The following CNN2 variants were observed in gnomAD, a reference collection of about 807,000 sequenced individuals.
The protein encoded by CNN2 is calponin 2, also known as calponin-2.
A neutral mutation model predicts 31.0 loss-of-function variants in CNN2; 21 were observed. The observed-to-expected ratio is 0.68, with a 90% CI of 0.48 to 0.98. CNN2 has a LOEUF of 0.98. Ranked by LOEUF, CNN2 falls within the 50% of genes least tolerant of loss-of-function variation. The pLI, the probability that CNN2 is intolerant of heterozygous loss-of-function variation, is 0.00. For missense variants in CNN2, 399 were observed against 427.3 expected, an observed-to-expected ratio of 0.93 and a Z score of 0.58; for synonymous variants, 165 against 179.6, an observed-to-expected ratio of 0.92 and a Z score of 0.65.
At chr19:1,034,933 AC>A (rs2039554537) in intron 4 of CNN2, among the ~76,000 whole-genome samples, 1 of 2,464 alleles carries the variant, frequency 4.1e-4, no homozygotes, top group Admixed American at 1.9e-3. Flanking sequence ...TCTGGTGTAG[AC>A]CGGGAGCGTG....
chr19:1,027,251 G>T (rs2039413946), intron 1 of CNN2, among the ~76,000 whole-genome samples: 3 of 152,250 alleles, frequency 2.0e-5, no homozygotes, highest in Admixed American at 6.5e-5. Flanking sequence ...CACCTTGGGG[G>T]TGTCTTGGGG....
intron 5 of CNN2, 69 bp downstream of exon 5, chr19:1,036,315 A>C: frequency 5.1e-6 from 8 of 1,571,162 alleles, no homozygotes; most frequent in Non-Finnish European, 6.9e-6. Flanking sequence ...GGACAGCAGC[A>C]TTGGGGGACA....
chr19:1,028,005 C>T (rs2039425816), intron 1 of CNN2, among the ~76,000 whole-genome samples: 1 of 152,188 alleles, frequency 6.6e-6, no homozygotes, highest in African/African-American at 2.4e-5. Flanking sequence ...CCGGGGCTCA[C>T]GACTCCTCCT....
At position 1,028,525 on chromosome 19, in the gene CNN2, C is replaced by T. The variant is rs533879402; in HGVS notation, c.63+1801C>T. 2.0e-5 allele frequency among the ~76,000 whole-genome samples: 3 copies of T among 152,326 alleles called. No homozygotes were observed. In the South Asian group the frequency reaches 6.2e-4, roughly 32 times the overall value. ...CCGCTTCCCCGTGGCTCAGTTGACT[C>T]CCGGCTGGACGGCACGGAGGCAGCT... On this transcript the variant is annotated intron_variant, in intron 1 of 6. Coordinates refer to ENST00000263097, the MANE Select transcript of CNN2 (RefSeq NM_004368.4).
intron 2 of CNN2, among the ~76,000 whole-genome samples, chr19:1,031,638 G>A (rs542847750): frequency 9.2e-4 from 134 of 145,978 alleles, no homozygotes; most frequent in African/African-American, 3.0e-3. Context: ...TTTTTGAGGT[G>A]GAGTCTCACT....
chr19:1,037,078 G>C, intron 6 of CNN2: 1 of 212,506 alleles, frequency 4.7e-6, no homozygotes, highest in Non-Finnish European at 9.7e-6. Context: ...GGCTGGTCTC[G>C]AACTCCTGAG....
intron 2 of CNN2, among the ~76,000 whole-genome samples, chr19:1,031,597 T>G (rs2039499110): frequency 7.2e-6 from 1 of 138,788 alleles, no homozygotes; most frequent in Admixed American, 7.1e-5. Context: ...AAAAGTTAGC[T>G]GGGCGTGGTG....
In CNN2 at chr19:1,037,967, A is replaced by ATAT; in HGVS notation, c.*68_*69insATT. 1 of 1,349,770 alleles carries ATAT rather than the reference A, an allele frequency of 7.4e-7. No homozygotes were observed. The highest frequency in any genetic ancestry group is 9.6e-7 in the Non-Finnish European group (1 of 1,043,056). The allele number at this position is 1,349,770 out of a possible 1,614,324, so 83.6% of individuals were successfully genotyped here. A position where few individuals can be genotyped will look rare whatever the true frequency, so the allele number is the denominator to read the frequency against. ...GGTTTTTGGGTTTTTCTGTGTTTTCATCTTTTTTTTTTTTTTCTTAACCCG... is the reference window on the plus strand; with the variant it reads ...GGTTTTTGGGTTTTTCTGTGTTTTCATATTCTTTTTTTTTTTTTTCTTAACCCG... On this transcript the variant is annotated 3_prime_UTR_variant, in exon 7 of 7. Transcript: ENST00000263097.
rs1383311986 is a variant in CNN2 at position 1,031,122 on chromosome 19, G to C, written c.115G>C (p.Glu39Gln). The C allele has an allele frequency of 6.8e-6, 11 of 1,613,214 alleles. No homozygotes were observed. Among genetic ancestry groups the C allele is most frequent in the African/African-American group, 1.3e-5 (1 of 74,922 alleles). Residue 39 changes from glutamate to glutamine, a missense_variant, in exon 2 of 7, where the codon GAG becomes CAG. Glu to Gln is a conservative substitution (Grantham distance 29, BLOSUM62 2). Coordinates refer to ENST00000263097, the MANE Select transcript of CNN2 (RefSeq NM_004368.4). ...QKEAELRTWI[E>Q]GLTGLSIGPD... is the part of the protein sequence containing the mutation. The stretch of plus-strand genomic sequence containing the variant: ...GGAGGCAGAGCTCCGCACCTGGATC[G>C]AGGGACTCACCGGCCTCTCCATCGG...
Position 1,032,678 on chromosome 19 carries a change from T to C in CNN2, c.372T>C (p.Leu124=). The change falls in exon 4 of 7, where the codon CTT becomes CTC. Residue 124 remains leucine, a synonymous_variant. Transcript: ENST00000263097. ...ACATGACGCAGGTGCAGGTGTCTCT[T>C]CTCGCCCTGGCGGGGAAGGTGAGGC... ...SGNMTQVQVS[L]LALAGKAKTK... The C allele has an allele frequency of 6.2e-7, 1 of 1,611,088 alleles. No homozygotes were observed. Among genetic ancestry groups the C allele is most frequent in the Non-Finnish European group, 8.5e-7 (1 of 1,179,504 alleles).
At chr19:1,037,588 T>A in intron 6 of CNN2, 37 bp from the exon 7 acceptor site, 1 of 1,594,886 alleles carries the variant, frequency 6.3e-7, no homozygotes. Context: ...CCCTCTTCTC[T>A]CCACCATGAC....
At chr19:1,036,073 G>C in intron 4 of CNN2, 57 bp from the exon 5 acceptor site, 1 of 1,528,728 alleles carries the variant, frequency 6.5e-7, no homozygotes. Context: ...CCAGGGCCTA[G>C]ATCTAGGGTC....
At chr19:1,029,578 C>A (rs549540787) in intron 1 of CNN2, among the ~76,000 whole-genome samples, 4 of 152,114 alleles carry the variant, frequency 2.6e-5, no homozygotes, top group African/African-American at 7.2e-5. Flanking sequence ...TCAGGGGACC[C>A]TAACCCAAAT....
intron 6 of CNN2, 130 bp downstream of exon 6, chr19:1,036,692 C>T (rs11670349): frequency 0.13 from 145,440 of 1,108,444 alleles, 10,725 homozygotes; most frequent in Non-Finnish European, 0.15. Flanking sequence ...AGACCACCTC[C>T]GGCTTCCCTC....
At chr19:1,036,267 C>T (rs1013889989) in intron 5 of CNN2, 21 bp downstream of exon 5, 11 of 1,570,682 alleles carry the variant, frequency 7.0e-6, no homozygotes, top group Admixed American at 1.8e-5. Flanking sequence ...GCTCCCCCAG[C>T]CCCAGGGACC....
At chr19:1,032,313 G>C in intron 2 of CNN2, 79 bp from the exon 3 acceptor site, 1 of 1,559,696 alleles carries the variant, frequency 6.4e-7, no homozygotes. Context: ...GAGCTTGGCT[G>C]AGATCAGCAT....
At position 1,031,286 on chromosome 19, in the gene CNN2, G is replaced by A. The variant is rs561036799; in HGVS notation, c.185+94G>A. The A allele has an allele frequency of 5.2e-5, 57 of 1,094,080 alleles. No individual in the cohort carries two copies. The African/African-American group carries it at 1.0e-3, about 19-fold the overall frequency. 67.8% of individuals were successfully genotyped at this position (1,094,080 alleles called of 1,614,324 possible). ...AATTAAGAAATTTTTGGGGGGCCGG[G>A]CATGGCCTGGCTCATGCCTGTAATC... On this transcript the variant is annotated intron_variant, in intron 2 of 6. Transcript: ENST00000263097.
At chr19:1,028,144 G>C (rs540415868) in intron 1 of CNN2, among the ~76,000 whole-genome samples, 153 of 151,626 alleles carry the variant, frequency 1.0e-3, no homozygotes, top group African/African-American at 3.6e-3. Context: ...CGTTCCAGCT[G>C]CCCAGGGCCA....
At chr19:1,029,162 G>GAGAT (rs1568417116) in intron 1 of CNN2, among the ~76,000 whole-genome samples, 29 of 111,872 alleles carry the variant, frequency 2.6e-4, no homozygotes, top group African/African-American at 6.6e-4. Flanking sequence ...ATCCCAGGCA[G>GAGAT]GTCCAGCTCA....
Sources: allele counts gnomAD v4.1 joint callset (sites outside exome capture counted in the v4.1 genomes callset), GRCh38; gene constraint gnomAD v4.1.1; transcripts MANE v1.5; gene names NCBI Gene and HGNC (gene_info 2026-07-23, HGNC 2026-07-21).